ITPR2: variants seen among roughly 807,000 people sequenced by gnomAD.
ITPR2 encodes the protein inositol 1,4,5-trisphosphate receptor type 2.
In ITPR2, 207 loss-of-function variants were observed where a neutral mutation model predicts 317.1. The observed-to-expected ratio is 0.65, with a 90% CI of 0.58 to 0.73. The LOEUF is 0.73. Ranked by LOEUF, ITPR2 falls within the 30% of genes least tolerant of loss-of-function variation. The probability of loss-of-function intolerance (pLI) is 0.00; values close to 1 mark genes in which losing one functional copy is unlikely to be tolerated. For missense variants in ITPR2, 2,613 were observed against 3,284.0 expected, an observed-to-expected ratio of 0.80 and a Z score of 4.99; for synonymous variants, 1,156 against 1,149.1, an observed-to-expected ratio of 1.01 and a Z score of -0.12.
At chr12:26,581,249 C>G (rs1166952466) in intron 32 of ITPR2, among the ~76,000 whole-genome samples, 1 of 152,120 alleles carries the variant, frequency 6.6e-6, no homozygotes, top group Non-Finnish European at 1.5e-5. Context: ...AACCATGTGT[C>G]CTGGGGCTTT....
chr12:26,573,418 A>G (rs1438860630), intron 34 of ITPR2, among the ~76,000 whole-genome samples: 1 of 152,200 alleles, frequency 6.6e-6, no homozygotes, highest in Non-Finnish European at 1.5e-5. Context: ...TCCAGTGGTG[A>G]AGAAAGGAAA....
intron 21 of ITPR2, among the ~76,000 whole-genome samples, chr12:26,638,858 T>G (rs935085151): frequency 2.6e-5 from 4 of 152,166 alleles, no homozygotes; most frequent in African/African-American, 4.8e-5. Context: ...AGGTGCTACA[T>G]GCTTAGGGCC....
At chr12:26,745,101 G>A (rs903985259) in intron 2 of ITPR2, among the ~76,000 whole-genome samples, 8 of 152,174 alleles carry the variant, frequency 5.3e-5, no homozygotes, top group African/African-American at 7.2e-5. Flanking sequence ...GATTAGCAAC[G>A]GCTTTGCCAG....
At chr12:26,781,979 A>G (rs1213077991) in intron 2 of ITPR2, among the ~76,000 whole-genome samples, 1 of 135,628 alleles carries the variant, frequency 7.4e-6, no homozygotes, top group Non-Finnish European at 1.6e-5. Flanking sequence ...AATACTACTT[A>G]ATAAACTCCC....
chr12:26,409,270 A>T (rs905517898), intron 52 of ITPR2, among the ~76,000 whole-genome samples: 2 of 152,244 alleles, frequency 1.3e-5, no homozygotes, highest in African/African-American at 4.8e-5. Flanking sequence ...ACCTCAAATT[A>T]GAAAAGTAGC....
At chr12:26,577,111 T>A (rs1009386782) in intron 34 of ITPR2, among the ~76,000 whole-genome samples, 1 of 152,250 alleles carries the variant, frequency 6.6e-6, no homozygotes, top group Non-Finnish European at 1.5e-5. Flanking sequence ...TCCAGAACTG[T>A]TAGAAATAAA....
At chr12:26,676,181 T>C (rs984723357) in intron 13 of ITPR2, among the ~76,000 whole-genome samples, 34 of 142,492 alleles carry the variant, frequency 2.4e-4, no homozygotes, top group African/African-American at 8.7e-4. Context: ...AGAAATATGT[T>C]GAGAGTAAAT....
intron 55 of ITPR2, among the ~76,000 whole-genome samples, chr12:26,362,843 A>C (rs78036083): frequency 0.013 from 1,972 of 152,300 alleles, 40 homozygotes; most frequent in African/African-American, 0.046. Context: ...AGAAAGCATA[A>C]CTGGGGAATA....
chr12:26,632,107 C>A (rs761852658), intron 21 of ITPR2, 48 bp from the exon 22 acceptor site: 2 of 1,428,502 alleles, frequency 1.4e-6, no homozygotes, highest in Non-Finnish European at 9.3e-7. Context: ...CCCTGGAGAT[C>A]ATGTAACTAT....
chr12:26,738,684 T>C (rs1469676490), intron 2 of ITPR2, among the ~76,000 whole-genome samples: 2 of 152,134 alleles, frequency 1.3e-5, no homozygotes, highest in African/African-American at 2.4e-5. Context: ...CTCCTTCTCT[T>C]TCCCTAATTA....
chr12:26,593,327 G>A (rs1945753789), intron 32 of ITPR2, among the ~76,000 whole-genome samples: 1 of 152,162 alleles, frequency 6.6e-6, no homozygotes, highest in African/African-American at 2.4e-5. Context: ...GCTCACTAAA[G>A]CTTAAAAACT....
chr12:26,481,212 C>A lies in ITPR2; in HGVS notation c.6042G>T (p.Gly2014=). Residue 2014 remains glycine (G), a synonymous_variant, in exon 43 of 57, where the codon GGG becomes GGT. Transcript: ENST00000381340. ...GAATCAAAGCAATGATGATATCAAT[C>A]CCATTAGACTCATGTGTAGCGATAC... is the stretch of plus-strand genomic sequence containing the variant. ...QTCIATHESN[G]IDIIIALILN... 6.2e-7 allele frequency: 1 copy of A among 1,611,872 alleles called. No homozygotes were observed. Among genetic ancestry groups the A allele is most frequent in the African/African-American group, 1.3e-5 (1 of 74,968 alleles).
At chr12:26,390,179 G>T (rs775631841) in intron 54 of ITPR2, among the ~76,000 whole-genome samples, 3 of 152,182 alleles carry the variant, frequency 2.0e-5, no homozygotes, top group Non-Finnish European at 4.4e-5. Context: ...TGGTGCAGCA[G>T]CTACTTTGGA....
intron 2 of ITPR2, among the ~76,000 whole-genome samples, chr12:26,748,375 A>C (rs960648388): frequency 6.6e-6 from 1 of 152,112 alleles, no homozygotes; most frequent in African/African-American, 2.4e-5. Flanking sequence ...TTCCTAATTA[A>C]TTTTATTACA....
intron 22 of ITPR2, among the ~76,000 whole-genome samples, chr12:26,630,330 G>A (rs1946718704): frequency 1.3e-5 from 2 of 151,686 alleles, no homozygotes; most frequent in Admixed American, 6.6e-5. Flanking sequence ...GGAGGAAAGG[G>A]AAGGATAAAA....
intron 55 of ITPR2, among the ~76,000 whole-genome samples, chr12:26,353,618 T>C (rs1938546245): frequency 6.6e-6 from 1 of 152,256 alleles, no homozygotes; most frequent in Non-Finnish European, 1.5e-5. Context: ...GCTTTAGTCA[T>C]AAACAATAAT....
intron 45 of ITPR2, among the ~76,000 whole-genome samples, chr12:26,461,680 A>G (rs1309628785): frequency 1.6e-5 from 1 of 63,332 alleles, no homozygotes; most frequent in Non-Finnish European, 4.0e-5. Context: ...ATGCACACAT[A>G]CATATATATA....
chr12:26,770,436 C>T (rs1949818766), intron 2 of ITPR2, among the ~76,000 whole-genome samples: 1 of 152,172 alleles, frequency 6.6e-6, no homozygotes, highest in South Asian at 2.1e-4. Context: ...TGGTTAACAA[C>T]TGGCCATTCT....
At chr12:26,765,285 T>C (rs1262453521) in intron 2 of ITPR2, among the ~76,000 whole-genome samples, 1 of 152,104 alleles carries the variant, frequency 6.6e-6, no homozygotes, top group Non-Finnish European at 1.5e-5. Flanking sequence ...AGAAAGTGTA[T>C]CATTGAATGT....
Sources: allele counts gnomAD v4.1 joint callset (sites outside exome capture counted in the v4.1 genomes callset), GRCh38; gene constraint gnomAD v4.1.1; transcripts MANE v1.5; gene names NCBI Gene and HGNC (gene_info 2026-07-23, HGNC 2026-07-21).